Variants in SHANK2 observed in about 807,000 individuals in gnomAD.
SHANK2 encodes SH3 and multiple ankyrin repeat domains protein 2.
SHANK2 carries 43 observed loss-of-function variants against 133.7 expected under a neutral mutation model. The observed-to-expected ratio is 0.32, with a 90% confidence interval of 0.25 to 0.41. SHANK2 has a LOEUF of 0.41. SHANK2 is among the 10% of genes least tolerant of loss of function. The probability of loss-of-function intolerance (pLI) is 1.00; values close to 1 mark genes in which losing one functional copy is unlikely to be tolerated. For missense variants in SHANK2, 1,994 were observed against 2,235.8 expected, an observed-to-expected ratio of 0.89 and a Z score of 2.18; for synonymous variants, 1,017 against 952.8, an observed-to-expected ratio of 1.07 and a Z score of -1.24.
At chr11:70,887,153 C>T (rs991952596) in intron 11 of SHANK2, among the ~76,000 whole-genome samples, 4 of 152,170 alleles carry the variant, frequency 2.6e-5, no homozygotes, top group Non-Finnish European at 2.9e-5. Flanking sequence ...CCCCGGCACC[C>T]GGACAGTCTT....
intron 9 of SHANK2, among the ~76,000 whole-genome samples, chr11:71,062,025 C>T (rs1363470341): frequency 2.9e-5 from 4 of 135,860 alleles, no homozygotes; most frequent in Middle Eastern, 4.5e-3. Context: ...GGTGCAATCT[C>T]GGCTCACTGC....
intron 2 of SHANK2, among the ~76,000 whole-genome samples, chr11:71,218,004 C>T (rs544679651): frequency 1.3e-5 from 2 of 152,078 alleles, no homozygotes; most frequent in East Asian, 2.0e-4. Context: ...GCACCCGCCA[C>T]CACGCCCGGC....
At chr11:70,815,806 C>A (rs1162244984) in intron 12 of SHANK2, among the ~76,000 whole-genome samples, 1 of 152,192 alleles carries the variant, frequency 6.6e-6, no homozygotes, top group African/African-American at 2.4e-5. Flanking sequence ...TGGTTCTGAC[C>A]ACACTGCCAC....
At chr11:70,838,694 C>A (rs1555060704) in intron 11 of SHANK2, among the ~76,000 whole-genome samples, 1 of 152,166 alleles carries the variant, frequency 6.6e-6, no homozygotes, top group Non-Finnish European at 1.5e-5. Context: ...GGCACTTGGG[C>A]TTTTAGCTAC....
At chr11:71,168,120 C>T (rs1418113860) in intron 2 of SHANK2, among the ~76,000 whole-genome samples, 1 of 138,396 alleles carries the variant, frequency 7.2e-6, no homozygotes, top group Non-Finnish European at 1.6e-5. Flanking sequence ...GGGCGGTTGC[C>T]AGGCAGAGGG....
chr11:70,478,889 C>T (rs115594176), intron 25 of SHANK2, among the ~76,000 whole-genome samples: 66 of 152,306 alleles, frequency 4.3e-4, no homozygotes, highest in Non-Finnish European at 6.6e-4. Flanking sequence ...TGAGGCTCCG[C>T]GGCAGTTCCA....
At chr11:70,767,298 G>A (rs782681064) in intron 14 of SHANK2, among the ~76,000 whole-genome samples, 45 of 152,254 alleles carry the variant, frequency 3.0e-4, no homozygotes, top group Non-Finnish European at 3.7e-4. Flanking sequence ...GCGGTTTTTC[G>A]AAAAGTTAAA....
chr11:70,697,361 A>G (rs1160120754), intron 15 of SHANK2, among the ~76,000 whole-genome samples: 8 of 152,244 alleles, frequency 5.3e-5, no homozygotes, highest in Admixed American at 4.6e-4. Context: ...ATAGACTTTG[A>G]AAACATGATG....
intron 10 of SHANK2, among the ~76,000 whole-genome samples, chr11:70,939,385 G>A (rs1419088378): frequency 6.6e-6 from 1 of 152,174 alleles, no homozygotes; most frequent in Non-Finnish European, 1.5e-5. Flanking sequence ...GGCTGAGGAA[G>A]GAGAATCACT....
intron 17 of SHANK2, among the ~76,000 whole-genome samples, chr11:70,594,222 G>A (rs75127691): frequency 3.9e-5 from 6 of 152,186 alleles, no homozygotes; most frequent in African/African-American, 7.2e-5. Context: ...AAAAAGGACC[G>A]CAGCTTTGAC....
At chr11:71,075,832 G>C (rs1395748502) in intron 8 of SHANK2, among the ~76,000 whole-genome samples, 2 of 152,340 alleles carry the variant, frequency 1.3e-5, no homozygotes, top group East Asian at 3.9e-4. Context: ...GCAGGACGCA[G>C]GGGTAGGGCA....
chr11:70,880,810 G>T (rs1277546708), intron 11 of SHANK2, among the ~76,000 whole-genome samples: 1 of 152,226 alleles, frequency 6.6e-6, no homozygotes, highest in East Asian at 1.9e-4. Context: ...GCTGCCACCT[G>T]TGGATAGGCA....
At chr11:71,172,581 G>C (rs533011745) in intron 2 of SHANK2, among the ~76,000 whole-genome samples, 145 of 139,510 alleles carry the variant, frequency 1.0e-3, no homozygotes, top group African/African-American at 3.8e-3. Context: ...CTGGGTGACA[G>C]AGTGAGACTC....
intron 4 of SHANK2, among the ~76,000 whole-genome samples, chr11:71,115,687 T>C (rs1378066785): frequency 1.3e-5 from 2 of 152,062 alleles, no homozygotes; most frequent in Non-Finnish European, 2.9e-5. Context: ...TGAGAGAGCA[T>C]GGGTGGCTGG....
At chr11:70,943,647 C>G (rs888030804) in intron 10 of SHANK2, among the ~76,000 whole-genome samples, 1 of 152,122 alleles carries the variant, frequency 6.6e-6, no homozygotes, top group South Asian at 2.1e-4. Flanking sequence ...GGAGCACTGA[C>G]CCTGAAATGC....
chr11:70,571,557 G>A (rs11823899), intron 17 of SHANK2, among the ~76,000 whole-genome samples: 3,487 of 152,296 alleles, frequency 0.023, 123 homozygotes, highest in African/African-American at 0.08. Context: ...GGCTGAGCTG[G>A]AGTGGTCCCC....
At chr11:70,475,033 T>C (rs2058645411) in intron 25 of SHANK2, 1 of 152,378 alleles carries the variant, frequency 6.6e-6, no homozygotes, top group African/African-American at 2.4e-5. Context: ...CTGCAAACAG[T>C]AGAGATGCTG....
chr11:70,500,723 T>C lies in SHANK2; in HGVS notation c.2288-133A>G, dbSNP rs782153384. On this transcript the variant is annotated intron_variant, in intron 20 of 25. Transcript: ENST00000601538. The surrounding 1 kb of genome is among the most constrained non-coding windows in gnomAD (Gnocchi z 4.5). Reference sequence around the variant, plus strand: ...GCAATGGGGCGGCAGGCAGGGGCTGTCTGGAACGCTGCGAACGCAGGCTGC... The same window carrying C: ...GCAATGGGGCGGCAGGCAGGGGCTGCCTGGAACGCTGCGAACGCAGGCTGC... 27 of 1,212,240 alleles carry C rather than the reference T, an allele frequency of 2.2e-5. No homozygotes were observed. Among genetic ancestry groups the C allele is most frequent in the Non-Finnish European group, 4.8e-6 (4 of 837,404 alleles). The allele number at this position is 1,212,240 out of a possible 1,614,324, so 75.1% of individuals were successfully genotyped here.
chr11:71,146,195 C>G (rs1555106668), intron 3 of SHANK2, among the ~76,000 whole-genome samples: 1 of 152,246 alleles, frequency 6.6e-6, no homozygotes, highest in Non-Finnish European at 1.5e-5. Context: ...TGTCCCACAT[C>G]TCCGATTTGA....
Sources: gnomAD v4.1 joint callset for allele counts (sites outside exome capture counted in the v4.1 genomes callset) on GRCh38, gnomAD v4.1.1 for gene constraint, Gnocchi (gnomAD v3.1) non-coding constraint, MANE v1.5 for transcripts, NCBI Gene and HGNC (gene_info 2026-07-23, HGNC 2026-07-21) for gene names.